The following ELP2 variants were observed in gnomAD, a reference collection of about 807,000 sequenced individuals.
ELP2 encodes elongator acetyltransferase complex subunit 2.
Under a neutral mutation model 119.2 loss-of-function variants are expected in ELP2, and 90 were observed. The ratio of observed to expected loss-of-function variants is 0.75; its 90% CI spans 0.64 to 0.90. The LOEUF (loss-of-function observed/expected upper bound fraction) is 0.90, where lower values mean the gene tolerates loss of function less well. Ranked by LOEUF, ELP2 falls within the 40% of genes least tolerant of loss-of-function variation. ELP2 has a pLI of 0.00. For synonymous variants in ELP2, 339 were observed against 331.0 expected (o/e 1.02, Z -0.26); for missense variants, 921 against 967.8 (o/e 0.95, Z 0.64).
chr18:36,155,269 C>A (rs929130454), intron 12 of ELP2, among the ~76,000 whole-genome samples: 3 of 143,532 alleles, frequency 2.1e-5, no homozygotes, highest in South Asian at 2.4e-4. Flanking sequence ...GCCCCTCCCC[C>A]CCCCCCGCCT....
rs2091232299 is a variant in ELP2, at chr18:36,176,806, G to A, written c.*2165G>A. The A allele has an allele frequency of 6.6e-6, 1 of 152,160 alleles. No homozygotes were observed. Among genetic ancestry groups the A allele is most frequent in the Non-Finnish European group, 1.5e-5 (1 of 68,030 alleles). The allele number at this position is 152,160 out of a possible 1,614,324, so 9.4% of individuals were successfully genotyped here. A position where few individuals can be genotyped will look rare whatever the true frequency, so the allele number is the denominator to read the frequency against. On this transcript the variant is annotated 3_prime_UTR_variant, in exon 22 of 22. Transcript: ENST00000358232. ...GAAGCAATCCCCAGATACGGGTTAG[G>A]CATGGCCCTGCTCTGAGCAGGATGG... is the stretch of plus-strand genomic sequence containing the variant.
chr18:36,144,745 A>G (rs1325111943), intron 8 of ELP2, among the ~76,000 whole-genome samples, 194 bp from the exon 9 acceptor site: 2 of 152,346 alleles, frequency 1.3e-5, no homozygotes, highest in Admixed American at 6.5e-5. Flanking sequence ...AAAAATGTAT[A>G]ACTTTTTCTC....
chr18:36,142,384 A>G, intron 7 of ELP2, 37 bp downstream of exon 7: 1 of 1,500,168 alleles, frequency 6.7e-7, no homozygotes, highest in Non-Finnish European at 9.3e-7. Flanking sequence ...ATACAATGGG[A>G]ACAAATATGT....
At chr18:36,168,684 A>G (rs2144802617) in intron 19 of ELP2, among the ~76,000 whole-genome samples, 1 of 152,258 alleles carries the variant, frequency 6.6e-6, no homozygotes, top group East Asian at 1.9e-4. Flanking sequence ...TGGGAACTAC[A>G]ATTCAAGATG....
rs545982232 is a variant in ELP2, at chr18:36,131,821, T to C, written c.139-1417T>C. Among the ~76,000 whole-genome samples, 12 of 152,176 alleles carry C rather than the reference T, an allele frequency of 7.9e-5. No homozygotes were observed. In the South Asian group the frequency reaches 2.3e-3, roughly 29 times the overall value. The stretch of plus-strand genomic sequence containing the variant: ...AATGGATTTGTTTCCATGTATTCCA[T>C]CAGATTTTAAATGATAACCTGGTGG... On this transcript the variant is annotated intron_variant, in intron 1 of 21. Coordinates refer to ENST00000358232, the MANE Select transcript of ELP2 (RefSeq NM_018255.4).
chr18:36,168,880 C>T (rs2090986721), intron 19 of ELP2, among the ~76,000 whole-genome samples: 2 of 141,826 alleles, frequency 1.4e-5, no homozygotes, highest in South Asian at 4.6e-4. Context: ...CTGCATTTTG[C>T]TACTGTTGTC....
intron 9 of ELP2, 158 bp downstream of exon 9, chr18:36,145,192 T>G (rs2090159835): frequency 1.5e-6 from 1 of 663,260 alleles, no homozygotes; most frequent in African/African-American, 1.8e-5. Flanking sequence ...CCTGGTCTGC[T>G]GGACACTCAG....
At chr18:36,139,331 T>G (rs1356220361) in intron 5 of ELP2, 30 of 1,291,840 alleles carry the variant, frequency 2.3e-5, no homozygotes, top group Non-Finnish European at 3.1e-5. Context: ...ATTTCCCTTT[T>G]GCTGTGAAAC....
intron 8 of ELP2, among the ~76,000 whole-genome samples, chr18:36,144,718 T>C (rs957925854): frequency 2.0e-5 from 3 of 152,234 alleles, no homozygotes; most frequent in Non-Finnish European, 4.4e-5. Flanking sequence ...TATGACCAGC[T>C]AGAACAGAAT....
chr18:36,176,605 T>A lies in ELP2; in HGVS notation c.*1964T>A, dbSNP rs9959806. The A allele has an allele frequency of 5.4e-3, 820 of 152,356 alleles. 11 individuals are homozygous for A. The highest frequency in any genetic ancestry group is 0.019 in the African/African-American group (797 of 41,586). 9.4% of individuals were successfully genotyped at this position (152,356 alleles called of 1,614,324 possible). A position where few individuals can be genotyped will look rare whatever the true frequency, so the allele number is the denominator to read the frequency against. On this transcript the variant is annotated 3_prime_UTR_variant, in exon 22 of 22. Transcript: ENST00000358232. ...CCTCTGGAATCACCTTACTGTTTAG[T>A]AAACATTCAGAGGACTTGCTACACA...
intron 8 of ELP2, 23 bp downstream of exon 8, chr18:36,142,989 A>G (rs997521195): frequency 1.3e-6 from 2 of 1,540,792 alleles, no homozygotes; most frequent in African/African-American, 1.4e-5. Flanking sequence ...GAAAATATCC[A>G]ATATAACGAT....
At chr18:36,151,078 C>CTTT (rs34060952) in intron 11 of ELP2, among the ~76,000 whole-genome samples, 2 of 139,858 alleles carry the variant, frequency 1.4e-5, no homozygotes. Context: ...TGCCTTCCAG[C>CTTT]TTTTTTTTTT....
intron 19 of ELP2, among the ~76,000 whole-genome samples, chr18:36,167,538 A>C (rs2090943975): frequency 6.6e-6 from 1 of 152,204 alleles, no homozygotes; most frequent in South Asian, 2.1e-4. Context: ...AGCGGGAGGT[A>C]GGGGAATAAG....
At chr18:36,137,884 G>C (rs1291114244) in intron 3 of ELP2, among the ~76,000 whole-genome samples, 2 of 150,630 alleles carry the variant, frequency 1.3e-5, no homozygotes, top group Non-Finnish European at 3.0e-5. Context: ...ATAAAGGTTA[G>C]CTTCACTAAA....
chr18:36,137,666 C>T (rs931432994), intron 3 of ELP2, among the ~76,000 whole-genome samples: 1 of 152,064 alleles, frequency 6.6e-6, no homozygotes, highest in African/African-American at 2.4e-5. Context: ...GGATTTCCCA[C>T]TTCTCTTTGC....
chr18:36,158,960 A>C (rs2090649901), intron 14 of ELP2, 56 bp downstream of exon 14: 1 of 1,210,384 alleles, frequency 8.3e-7, no homozygotes, highest in African/African-American at 1.5e-5. Context: ...AACCCCAGTC[A>C]TACACTTGTG....
chr18:36,167,239 T>G lies in ELP2; in HGVS notation c.2076+17T>G. ...GACAAAAAGGTAATTATTTAAAAATTTAATATTTTTTCAAATGTAAAAATA... is the reference window on the plus strand; with the variant it reads ...GACAAAAAGGTAATTATTTAAAAATGTAATATTTTTTCAAATGTAAAAATA... On this transcript the variant is annotated intron_variant, in intron 19 of 21. Coordinates refer to ENST00000358232, the MANE Select transcript of ELP2 (RefSeq NM_018255.4). 6.5e-7 allele frequency: 1 copy of G among 1,535,340 alleles called. No individual in the cohort carries two copies. Among genetic ancestry groups the G allele is most frequent in the African/African-American group, 1.4e-5 (1 of 72,106 alleles).
chr18:36,133,773 T>C (rs933024486), intron 2 of ELP2, among the ~76,000 whole-genome samples: 5 of 151,574 alleles, frequency 3.3e-5, no homozygotes, highest in African/African-American at 1.2e-4. Context: ...CTAGAATGTT[T>C]ATTTTTTTAA....
chr18:36,167,342 T>G (rs1261237760), intron 19 of ELP2, 120 bp downstream of exon 19: 5 of 724,566 alleles, frequency 6.9e-6, no homozygotes, highest in Non-Finnish European at 1.1e-5. Context: ...CAGCTATGTA[T>G]TCCTTTCTGT....
Sources: allele counts gnomAD v4.1 joint callset (sites outside exome capture counted in the v4.1 genomes callset), GRCh38; gene constraint gnomAD v4.1.1; transcripts MANE v1.5; gene names NCBI Gene and HGNC (gene_info 2026-07-23, HGNC 2026-07-21).